Variants in HNMT observed in about 807,000 individuals in gnomAD.
The protein encoded by HNMT is histamine N-methyltransferase.
HNMT carries 30 observed loss-of-function variants against 32.1 expected under a neutral mutation model. The ratio of observed to expected loss-of-function variants is 0.93; its 90% CI spans 0.70 to 1.27. HNMT has a LOEUF of 1.27. Ranked by LOEUF, HNMT falls within the 50% of genes most tolerant of loss-of-function variation. HNMT has a pLI of 0.00. For missense variants in HNMT, 327 were observed against 346.0 expected, an observed-to-expected ratio of 0.95 and a Z score of 0.43; for synonymous variants, 125 against 119.0, an observed-to-expected ratio of 1.05 and a Z score of -0.33.
At chr2:137,974,051 A>T (rs561623908) in intron 2 of HNMT, among the ~76,000 whole-genome samples, 66 of 152,114 alleles carry the variant, frequency 4.3e-4, no homozygotes, top group African/African-American at 1.5e-3. Context: ...TAACACTGTT[A>T]TCCATAGATT....
intron 2 of HNMT, among the ~76,000 whole-genome samples, chr2:137,990,243 T>C (rs1680778630): frequency 6.6e-6 from 1 of 152,214 alleles, no homozygotes; most frequent in African/African-American, 2.4e-5. Context: ...CTATGATTCA[T>C]TTTGAGTTAA....
intron 5 of HNMT, among the ~76,000 whole-genome samples, chr2:138,007,848 C>T (rs766269552): frequency 1.8e-4 from 28 of 151,892 alleles, no homozygotes; most frequent in Non-Finnish European, 3.7e-4. Context: ...AAGGTCCCAC[C>T]GTGACTCTTT....
intron 2 of HNMT, among the ~76,000 whole-genome samples, chr2:137,973,060 G>A (rs1307741641): frequency 6.6e-6 from 1 of 152,068 alleles, no homozygotes; most frequent in Non-Finnish European, 1.5e-5. Flanking sequence ...GGGAGAATGT[G>A]GGTGCCCTTT....
chr2:138,006,871 TA>T (rs3838491), intron 5 of HNMT, among the ~76,000 whole-genome samples: 35,239 of 151,734 alleles, frequency 0.23, 4,316 homozygotes, highest in South Asian at 0.3. Context: ...GCATTCATCA[TA>T]AAAAAAATCA....
At chr2:137,987,753 C>T (rs1680691973) in intron 2 of HNMT, among the ~76,000 whole-genome samples, 1 of 151,878 alleles carries the variant, frequency 6.6e-6, no homozygotes, top group Admixed American at 6.6e-5. Context: ...ATCCTTAGTT[C>T]TTTTTAACAA....
chr2:138,010,712 G>C (rs1681477458), intron 5 of HNMT, among the ~76,000 whole-genome samples: 1 of 152,012 alleles, frequency 6.6e-6, no homozygotes, highest in Non-Finnish European at 1.5e-5. Flanking sequence ...ATAACTAGTA[G>C]AAGTTCCTGA....
Position 137,970,180 on chromosome 2 carries a change from A to G in HNMT, c.153A>G (p.Lys51=). ...TTTCTTTCAGGATTGGAGACACAAA[A>G]TCAGAAATTAAGATTCTAAGCATAG... is the stretch of plus-strand genomic sequence containing the variant. ...PGIIGRIGDT[K]SEIKILSIGG... The change falls in exon 2 of 6, where the codon AAA becomes AAG. Residue 51 remains lysine, a synonymous_variant. Coordinates refer to ENST00000280097, the MANE Select transcript of HNMT (RefSeq NM_006895.3). 6.3e-7 allele frequency: 1 copy of G among 1,576,594 alleles called. No homozygotes were observed.
intron 5 of HNMT, among the ~76,000 whole-genome samples, chr2:138,010,441 GCA>G (rs56391028): frequency 0.012 from 1,520 of 125,658 alleles, 36 homozygotes; most frequent in African/African-American, 0.041. Flanking sequence ...AAAGACACAC[GCA>G]CACACACACA....
chr2:138,001,750 A>G (rs112015840), intron 3 of HNMT, among the ~76,000 whole-genome samples: 4 of 151,850 alleles, frequency 2.6e-5, no homozygotes, highest in African/African-American at 9.7e-5. Context: ...TTATACAAAC[A>G]TATCTGTTTC....
intron 1 of HNMT, chr2:137,967,096 G>A: frequency 1.3e-6 from 1 of 780,512 alleles, no homozygotes; most frequent in Non-Finnish European, 2.4e-6. Context: ...CTGTCTTTTA[G>A]ATACCAGAAT....
At chr2:137,968,187 T>G (rs1198987350) in intron 1 of HNMT, among the ~76,000 whole-genome samples, 1 of 152,206 alleles carries the variant, frequency 6.6e-6, no homozygotes, top group Non-Finnish European at 1.5e-5. Context: ...CAGGAAAAAT[T>G]ATAGTAAATA....
At chr2:138,013,301 C>T (rs1321785942) in intron 5 of HNMT, among the ~76,000 whole-genome samples, 3 of 152,048 alleles carry the variant, frequency 2.0e-5, no homozygotes, top group Non-Finnish European at 4.4e-5. Flanking sequence ...ATCCACTCCC[C>T]ACCCCTAATC....
chr2:137,974,736 G>T (rs1252957249), intron 2 of HNMT, among the ~76,000 whole-genome samples: 1 of 152,106 alleles, frequency 6.6e-6, no homozygotes, highest in Non-Finnish European at 1.5e-5. Context: ...TTAACCTATT[G>T]TATATTAACT....
chr2:137,995,346 C>T (rs1680959303), intron 2 of HNMT, among the ~76,000 whole-genome samples: 1 of 151,950 alleles, frequency 6.6e-6, no homozygotes, highest in Admixed American at 6.6e-5. Flanking sequence ...CACCACTGAC[C>T]CCACAGAAAT....
At chr2:137,984,820 G>A (rs1211092140) in intron 2 of HNMT, among the ~76,000 whole-genome samples, 3 of 152,036 alleles carry the variant, frequency 2.0e-5, no homozygotes, top group Non-Finnish European at 4.4e-5. Flanking sequence ...TATGATGTAA[G>A]GAGTGACTGT....
At chr2:137,993,373 G>C (rs984009238) in intron 2 of HNMT, among the ~76,000 whole-genome samples, 1 of 152,142 alleles carries the variant, frequency 6.6e-6, no homozygotes, top group Non-Finnish European at 1.5e-5. Context: ...ACATGTTGGA[G>C]CTGAAAAACA....
rs906478941 is a variant in HNMT at position 138,013,983 on chromosome 2, G to T, written c.732G>T (p.Leu244Phe). 6.2e-7 allele frequency: 1 copy of T among 1,613,650 alleles called. No homozygotes were observed. The highest frequency in any genetic ancestry group is 8.5e-7 in the Non-Finnish European group (1 of 1,179,786). ...NENGDLLWDF[L>F]TETCNFNATA... ...ATGGAGACCTGCTTTGGGATTTTTTGACTGAAACCTGCAACTTTAATGCCA... is the reference window on the plus strand; with the variant it reads ...ATGGAGACCTGCTTTGGGATTTTTTTACTGAAACCTGCAACTTTAATGCCA... The change falls in exon 6 of 6, where the codon TTG becomes TTT. Residue 244 changes from leucine (L) to phenylalanine (F), a missense_variant. Physicochemically the swap from Leu to Phe is conservative, Grantham distance 22. Transcript: ENST00000280097.
At chr2:137,969,539 G>A (rs556892820) in intron 1 of HNMT, among the ~76,000 whole-genome samples, 1 of 152,234 alleles carries the variant, frequency 6.6e-6, no homozygotes, top group Admixed American at 6.5e-5. Context: ...AAGTCACTGT[G>A]CATTCATATT....
In HNMT at chr2:137,970,932, AAAAAGAAAGAAAGAAAG is replaced by A. The variant is rs1680109098; in HGVS notation, c.190+719_190+735del. On this transcript the variant is annotated intron_variant, in intron 2 of 5. Coordinates refer to ENST00000280097, the MANE Select transcript of HNMT (RefSeq NM_006895.3). Reference sequence around the variant, plus strand: ...GAGACTACGTCTCAAAAAAAAAAAAAAAAAGAAAGAAAGAAAGAAAGAAAGAAAGAAAGAAAGAAAAA... The same window carrying A: ...GAGACTACGTCTCAAAAAAAAAAAAAAAAGAAAGAAAGAAAGAAAGAAAAA... 4.3e-5 allele frequency among the ~76,000 whole-genome samples: 3 copies of A among 70,008 alleles called. 1 individual carries two copies. Among genetic ancestry groups the A allele is most frequent in the Non-Finnish European group, 3.3e-5 (1 of 30,114 alleles). 45.9% of individuals were successfully genotyped at this position (70,008 alleles called of 152,430 possible). A position where few individuals can be genotyped will look rare whatever the true frequency, so the allele number is the denominator to read the frequency against.
Sources: gnomAD v4.1 joint callset for allele counts (sites outside exome capture counted in the v4.1 genomes callset) on GRCh38, gnomAD v4.1.1 for gene constraint, MANE v1.5 for transcripts, NCBI Gene and HGNC (gene_info 2026-07-23, HGNC 2026-07-21) for gene names.